Variants in USP53 observed in about 807,000 individuals in gnomAD.
USP53 encodes the protein ubiquitin specific peptidase 53.
A neutral mutation model predicts 94.9 loss-of-function variants in USP53; 71 were observed. The observed-to-expected ratio is 0.75, with a 90% CI of 0.62 to 0.91. USP53 has a LOEUF of 0.91. USP53 is among the 40% of genes least tolerant of loss of function. The pLI, the probability that USP53 is intolerant of heterozygous loss-of-function variation, is 0.00. For synonymous variants in USP53, 375 were observed against 422.7 expected (o/e 0.89, Z 1.39); for missense variants, 1,173 against 1,281.0 (o/e 0.92, Z 1.29).
intron 9 of USP53, 59 bp from the exon 10 acceptor site, chr4:119,259,761 G>C: frequency 7.5e-7 from 1 of 1,330,998 alleles, no homozygotes; most frequent in Non-Finnish European, 1.1e-6. Context: ...TTTTTCATGT[G>C]TAATTTATTA....
At position 119,292,430 on chromosome 4, in the gene USP53, C is replaced by A; in HGVS notation, c.2441C>A (p.Ser814Ter). Reference protein sequence around the residue: ...DHNAREHIHQSDEQKLEKPNE... With the variant: ...DHNAREHIHQ ...AATGCAAGAGAACATATCCACCAGTCAGATGAACAGAAACTTGAAAAACCG... is the reference window on the plus strand; with the variant it reads ...AATGCAAGAGAACATATCCACCAGTAAGATGAACAGAAACTTGAAAAACCG... The change falls in exon 19 of 19, where the codon TCA (serine) becomes TAA (stop). Residue 814 changes from serine to a stop codon, truncating the protein, a stop_gained. Coordinates refer to ENST00000692078, the MANE Select transcript of USP53 (RefSeq NM_001371395.1). LOFTEE classifies it low-confidence loss of function (END_TRUNC). The A allele has an allele frequency of 6.2e-7, 1 of 1,613,964 alleles. No individual in the cohort carries two copies. Among genetic ancestry groups the A allele is most frequent in the South Asian group, 1.1e-5 (1 of 91,054 alleles).
rs532099140 is a variant in USP53 at position 119,259,297 on chromosome 4, G to T, written c.570-523G>T. On this transcript the variant is annotated intron_variant, in intron 9 of 18. Transcript: ENST00000692078. The stretch of plus-strand genomic sequence containing the variant: ...CCCCATCTCAAAAAAAAAAAAAAAG[G>T]GGGGGGAGTAATATTCAAAATAAGA... Among the ~76,000 whole-genome samples the T allele has an allele frequency of 5.3e-4, 78 of 147,890 alleles. 2 individuals are homozygous for T. Among genetic ancestry groups the T allele is most frequent in the African/African-American group, 1.8e-3 (71 of 38,950 alleles).
chr4:119,234,998 CTAT>C (rs1746538499), intron 3 of USP53, among the ~76,000 whole-genome samples: 1 of 152,158 alleles, frequency 6.6e-6, no homozygotes, highest in Non-Finnish European at 1.5e-5. Flanking sequence ...AACATTTAAC[CTAT>C]GTTAAAGCAG....
At position 119,271,895 on chromosome 4, in the gene USP53, T is replaced by A. The variant is rs1561310839; in HGVS notation, c.2035T>A (p.Trp679Arg). ...LVEGKVHGDN[W>R]QMQRTESGYE... Reference sequence around the variant, plus strand: ...AGAGGGTAAAGTGCATGGTGATAATTGGCAGATGCAAAGGACTGAGTCTGG... The same window carrying A: ...AGAGGGTAAAGTGCATGGTGATAATAGGCAGATGCAAAGGACTGAGTCTGG... The change falls in exon 16 of 19, where the codon TGG becomes AGG. Residue 679 changes from tryptophan to arginine, a missense_variant. Transcript: ENST00000692078. 2 of 1,614,148 alleles carry A rather than the reference T, an allele frequency of 1.2e-6. No individual in the cohort carries two copies. Among genetic ancestry groups the A allele is most frequent in the Non-Finnish European group, 1.7e-6 (2 of 1,180,020 alleles).
At chr4:119,235,580 C>T (rs906194506) in intron 4 of USP53, among the ~76,000 whole-genome samples, 169 bp downstream of exon 4, 3 of 152,118 alleles carry the variant, frequency 2.0e-5, no homozygotes, top group African/African-American at 7.2e-5. Flanking sequence ...GCCCAGCCAT[C>T]ACCCAGAGTT....
At position 119,295,342 on chromosome 4, in the gene USP53, G is replaced by C. The variant is rs1022808447; in HGVS notation, c.*2131G>C. 1.3e-5 allele frequency: 2 copies of C among 151,696 alleles called. No homozygotes were observed. The highest frequency in any genetic ancestry group is 6.6e-5 in the Admixed American group (1 of 15,212). The allele number at this position is 151,696 out of a possible 1,614,324, so 9.4% of individuals were successfully genotyped here. On this transcript the variant is annotated 3_prime_UTR_variant, in exon 19 of 19. Coordinates refer to ENST00000692078, the MANE Select transcript of USP53 (RefSeq NM_001371395.1). ...TTCATGTAAAAGTTTTACATCTAGG[G>C]TGCCTATTTATTTTTATAGATGCTT...
intron 3 of USP53, among the ~76,000 whole-genome samples, chr4:119,223,255 G>T (rs1025753743): frequency 3.0e-4 from 46 of 152,144 alleles, no homozygotes; most frequent in African/African-American, 1.0e-3. Flanking sequence ...ATAGAATACT[G>T]TAAGATGTAG....
chr4:119,259,808 C>CT lies in USP53; in HGVS notation c.570-5dup. 1 of 1,602,514 alleles carries CT rather than the reference C, an allele frequency of 6.2e-7. No individual in the cohort carries two copies. On this transcript the variant is annotated splice_polypyrimidine_tract_variant and intron_variant, in intron 9 of 18. Transcript: ENST00000692078. ...TCATAGGCCAGATTTGGGATTGCTTCTTTTTTTGTAGCAATGAGGTTGAAA... is the reference window on the plus strand; with the variant it reads ...TCATAGGCCAGATTTGGGATTGCTTCTTTTTTTTGTAGCAATGAGGTTGAAA...
At position 119,269,810 on chromosome 4, in the gene USP53, C is replaced by T. The variant is rs1751622156; in HGVS notation, c.1408C>T (p.Gln470Ter). 6.7e-7 allele frequency: 1 copy of T among 1,500,868 alleles called. No individual in the cohort carries two copies. The highest frequency in any genetic ancestry group is 8.9e-7 in the Non-Finnish European group (1 of 1,125,916). The allele number at this position is 1,500,868 out of a possible 1,614,324, so 93.0% of individuals were successfully genotyped here. Residue 470 changes from glutamine to a stop codon, truncating the protein, a stop_gained, in exon 15 of 19, where the codon CAA becomes TAA. Transcript: ENST00000692078. LOFTEE classifies it high-confidence loss of function. ...ACAAAGGAAAGATTTAGAGAAGGGA[C>T]AAAGAAAAGATTTAGGACGACATAG... ...SSQRKDLEKG[Q>*]RKDLGRHRDL...
chr4:119,216,198 G>A (rs1459833776), intron 2 of USP53, among the ~76,000 whole-genome samples: 1 of 151,958 alleles, frequency 6.6e-6, no homozygotes, highest in Admixed American at 6.6e-5. Flanking sequence ...TGGCCAACAT[G>A]GTGAAACCCT....
intron 6 of USP53, among the ~76,000 whole-genome samples, chr4:119,247,190 C>G (rs1297435532): frequency 6.6e-6 from 1 of 152,124 alleles, no homozygotes; most frequent in African/African-American, 2.4e-5. Context: ...CCTAGACCAA[C>G]TCTCTTGTAG....
chr4:119,212,700 C>G, upstream of USP53: 1 of 342,984 alleles, frequency 2.9e-6, no homozygotes, highest in South Asian at 2.2e-5. Context: ...CGGAGACCAG[C>G]CGCCTGTGCT....
intron 2 of USP53, among the ~76,000 whole-genome samples, chr4:119,214,631 A>G (rs1373712475): frequency 6.6e-6 from 1 of 151,848 alleles, no homozygotes; most frequent in African/African-American, 2.4e-5. Flanking sequence ...AAAAAAGAAA[A>G]ATCACAATAC....
At chr4:119,260,374 G>T (rs1260521453) in intron 10 of USP53, 133 bp from the exon 11 acceptor site, 2 of 606,150 alleles carry the variant, frequency 3.3e-6, no homozygotes, top group Admixed American at 7.5e-5. Context: ...CAAACAGCTT[G>T]TTAGAAGTCA....
intron 3 of USP53, among the ~76,000 whole-genome samples, chr4:119,229,839 C>G (rs1561203420): frequency 6.6e-6 from 1 of 152,082 alleles, no homozygotes; most frequent in African/African-American, 2.4e-5. Context: ...CCAACAAAAG[C>G]TTTTTGCCAC....
At chr4:119,264,207 A>T (rs1750844369) in intron 12 of USP53, among the ~76,000 whole-genome samples, 1 of 152,260 alleles carries the variant, frequency 6.6e-6, no homozygotes, top group African/African-American at 2.4e-5. Flanking sequence ...TCAATAAAAA[A>T]TTACCAAATA....
intron 6 of USP53, among the ~76,000 whole-genome samples, chr4:119,246,082 A>G (rs895682410): frequency 1.3e-5 from 2 of 152,196 alleles, no homozygotes; most frequent in African/African-American, 4.8e-5. Context: ...GAGCTTTATG[A>G]GCAAGGAAGA....
chr4:119,277,885 G>T (rs1752867833), intron 17 of USP53, among the ~76,000 whole-genome samples: 1 of 122,740 alleles, frequency 8.1e-6, no homozygotes, highest in African/African-American at 3.0e-5. Flanking sequence ...GATCTTTGTT[G>T]GTTTAAAGTC....
intron 5 of USP53, among the ~76,000 whole-genome samples, chr4:119,242,857 T>G (rs2149333688): frequency 6.6e-6 from 1 of 152,308 alleles, no homozygotes; most frequent in South Asian, 2.1e-4. Context: ...TTGTAAGAAT[T>G]TACTAAACAC....
Sources: allele counts gnomAD v4.1 joint callset (sites outside exome capture counted in the v4.1 genomes callset), GRCh38; gene constraint gnomAD v4.1.1; transcripts MANE v1.5; gene names NCBI Gene and HGNC (gene_info 2026-07-23, HGNC 2026-07-21).